The following GNA14 variants were observed in gnomAD, a reference collection of about 807,000 sequenced individuals.
The protein encoded by GNA14 is guanine nucleotide-binding protein subunit alpha-14.
In GNA14, 50 loss-of-function variants were observed where a neutral mutation model predicts 42.0. The ratio of observed to expected loss-of-function variants is 1.19; its 90% CI spans 0.95 to 1.51. The LOEUF is 1.51. Ranked by LOEUF, GNA14 falls within the 40% of genes most tolerant of loss-of-function variation. GNA14 has a pLI of 0.00. For synonymous variants in GNA14, 173 were observed against 163.1 expected (o/e 1.06, Z -0.46); for missense variants, 473 against 446.2 (o/e 1.06, Z -0.54).
intron 1 of GNA14, among the ~76,000 whole-genome samples, chr9:77,599,586 C>A (rs1161970059): frequency 1.3e-5 from 2 of 152,164 alleles, no homozygotes; most frequent in Non-Finnish European, 2.9e-5. Flanking sequence ...GAAAACAGGG[C>A]TGAGTAGAGG....
At chr9:77,544,318 T>C (rs1263672883) in intron 1 of GNA14, among the ~76,000 whole-genome samples, 4 of 151,994 alleles carry the variant, frequency 2.6e-5, no homozygotes, top group African/African-American at 4.8e-5. Flanking sequence ...ACACAAAGTA[T>C]AAAGGAAAAA....
At chr9:77,427,709 G>A (rs533203020) in intron 5 of GNA14, among the ~76,000 whole-genome samples, 98 of 125,338 alleles carry the variant, frequency 7.8e-4, no homozygotes, top group African/African-American at 2.8e-3. Context: ...GATGGAATTG[G>A]AAGCAGCCAG....
intron 1 of GNA14, among the ~76,000 whole-genome samples, chr9:77,600,718 G>A (rs1389874402): frequency 6.6e-6 from 1 of 152,166 alleles, no homozygotes; most frequent in African/African-American, 2.4e-5. Context: ...AGGAGTTCGA[G>A]ACCAGCCTGG....
chr9:77,632,132 C>T (rs1161210947), intron 1 of GNA14, among the ~76,000 whole-genome samples: 1 of 152,216 alleles, frequency 6.6e-6, no homozygotes, highest in Non-Finnish European at 1.5e-5. Context: ...CTTGGAAGTG[C>T]CTGCTTCTGC....
chr9:77,431,620 G>A lies in GNA14; in HGVS notation c.465-171C>T, dbSNP rs949274672. 3.2e-5 allele frequency: 18 copies of A among 565,608 alleles called. No homozygotes were observed. The East Asian group carries it at 3.3e-4, about 11-fold the overall frequency. 35.0% of individuals were successfully genotyped at this position (565,608 alleles called of 1,614,324 possible). ...GGCCAGGCTTCTCCATCCTTCCTAC[G>A]ACTGTTTTGAAGACAATATGGGTCA... On this transcript the variant is annotated intron_variant, in intron 3 of 6. Coordinates refer to ENST00000341700, the MANE Select transcript of GNA14 (RefSeq NM_004297.4).
intron 2 of GNA14, among the ~76,000 whole-genome samples, chr9:77,510,753 G>C (rs541800417): frequency 6.6e-5 from 10 of 152,122 alleles, no homozygotes; most frequent in Admixed American, 4.6e-4. Context: ...GGCCCTTTTC[G>C]TATCAGGCCC....
At chr9:77,458,911 G>C (rs909175934) in intron 2 of GNA14, among the ~76,000 whole-genome samples, 1 of 149,692 alleles carries the variant, frequency 6.7e-6, no homozygotes, top group Non-Finnish European at 1.5e-5. Flanking sequence ...TGGAGGGGGG[G>C]GGGTTGTCCT....
chr9:77,488,873 A>C (rs621587), intron 2 of GNA14, among the ~76,000 whole-genome samples: 1 of 151,898 alleles, frequency 6.6e-6, no homozygotes, highest in Non-Finnish European at 1.5e-5. Flanking sequence ...AGAAACAGAC[A>C]TACATCACAT....
chr9:77,630,711 T>G (rs1824084408), intron 1 of GNA14, among the ~76,000 whole-genome samples: 3 of 145,542 alleles, frequency 2.1e-5, no homozygotes, highest in Admixed American at 2.0e-4. Flanking sequence ...GAAAAACTAG[T>G]TTTTTTTAGC....
intron 1 of GNA14, among the ~76,000 whole-genome samples, chr9:77,589,366 A>C (rs973703035): frequency 6.6e-6 from 1 of 152,202 alleles, no homozygotes; most frequent in South Asian, 2.1e-4. Flanking sequence ...AATTTTATTC[A>C]TGCAAAATGG....
intron 1 of GNA14, among the ~76,000 whole-genome samples, chr9:77,561,495 T>A (rs1029864238): frequency 1.3e-5 from 2 of 152,204 alleles, no homozygotes; most frequent in African/African-American, 4.8e-5. Context: ...CAATGTGGTA[T>A]ATACATACAA....
At chr9:77,453,559 TTC>T (rs1242835010) in intron 2 of GNA14, among the ~76,000 whole-genome samples, 2 of 152,170 alleles carry the variant, frequency 1.3e-5, no homozygotes, top group African/African-American at 2.4e-5. Flanking sequence ...AATGCAACAG[TTC>T]ATGAAAATGT....
intron 1 of GNA14, among the ~76,000 whole-genome samples, chr9:77,633,812 A>C (rs1046269776): frequency 6.6e-6 from 1 of 152,200 alleles, no homozygotes; most frequent in Non-Finnish European, 1.5e-5. Flanking sequence ...CAATCTTGCC[A>C]TAGGATAGGC....
chr9:77,620,278 A>G (rs979691559), intron 1 of GNA14, among the ~76,000 whole-genome samples: 1 of 152,228 alleles, frequency 6.6e-6, no homozygotes. Flanking sequence ...GTTGAAGGTC[A>G]CCATGCACAT....
At chr9:77,539,616 G>T (rs919218737) in intron 1 of GNA14, among the ~76,000 whole-genome samples, 1 of 152,104 alleles carries the variant, frequency 6.6e-6, no homozygotes, top group East Asian at 1.9e-4. Context: ...GGTAGAGTTT[G>T]GCTGTGAATC....
chr9:77,475,949 T>C (rs1453092141), intron 2 of GNA14, among the ~76,000 whole-genome samples: 3 of 152,064 alleles, frequency 2.0e-5, no homozygotes, highest in Non-Finnish European at 4.4e-5. Context: ...GTCACCTCAG[T>C]AGGTAGGACA....
At chr9:77,577,057 C>G (rs534167914) in intron 1 of GNA14, among the ~76,000 whole-genome samples, 1 of 152,172 alleles carries the variant, frequency 6.6e-6, no homozygotes, top group Non-Finnish European at 1.5e-5. Context: ...CCCTTTGAAA[C>G]AGTTATACTC....
intron 2 of GNA14, among the ~76,000 whole-genome samples, chr9:77,467,340 T>C (rs759567735): frequency 8.6e-5 from 13 of 151,996 alleles, no homozygotes; most frequent in Non-Finnish European, 1.5e-4. Context: ...ATGTTACTGA[T>C]AGATCTATGT....
chr9:77,545,030 G>A (rs1837704243), intron 1 of GNA14, among the ~76,000 whole-genome samples: 1 of 151,910 alleles, frequency 6.6e-6, no homozygotes, highest in Middle Eastern at 3.4e-3. Context: ...TGCTTATGTT[G>A]AAAAAGAAAG....
Sources: allele counts gnomAD v4.1 joint callset (sites outside exome capture counted in the v4.1 genomes callset), GRCh38; gene constraint gnomAD v4.1.1; transcripts MANE v1.5; gene names NCBI Gene and HGNC (gene_info 2026-07-23, HGNC 2026-07-21).